Variants in FAM136A observed in about 807,000 individuals in gnomAD.
FAM136A encodes the protein TIM double twin CX3C motif protein.
Under a neutral mutation model 21.6 loss-of-function variants are expected in FAM136A, and 25 were observed. That is an observed-to-expected ratio of 1.16 (90% CI 0.84 to 1.62). The LOEUF (loss-of-function observed/expected upper bound fraction) is 1.62. Ranked by LOEUF, FAM136A falls within the 40% of genes most tolerant of loss-of-function variation. The probability of loss-of-function intolerance (pLI) is 0.00; values close to 1 mark genes in which losing one functional copy is unlikely to be tolerated. For missense variants in FAM136A, 338 were observed against 332.0 expected (o/e 1.02, Z -0.14); for synonymous variants, 119 against 129.4 (o/e 0.92, Z 0.55).
rs1465215652 is a variant in FAM136A, at chr2:70,300,871, G to A, written c.518C>T (p.Ala173Val). 1.9e-6 allele frequency: 3 copies of A among 1,612,926 alleles called. No individual in the cohort carries two copies. The highest frequency in any genetic ancestry group is 8.5e-7 in the Non-Finnish European group (1 of 1,179,052). Residue 173 changes from alanine (A) to valine (V), a missense_variant, in exon 2 of 3, where the codon GCT (alanine) becomes GTT (valine). Transcript: ENST00000430566. ...CTTCTCCAGCTCACTGGTGACCAAAGCCTGGGCTTGAGCCAGAGGCACATG... is the reference window on the plus strand; with the variant it reads ...CTTCTCCAGCTCACTGGTGACCAAAACCTGGGCTTGAGCCAGAGGCACATG... ...RCHVPLAQAQ[A>V]LVTSELEKFQ...
In FAM136A at chr2:70,301,767, C is replaced by A. The variant is rs771447739; in HGVS notation, c.245G>T (p.Gly82Val). The change falls in exon 1 of 3, where the codon GGA (glycine) becomes GTA (valine). Residue 82 changes from glycine to valine, a missense_variant. Physicochemically the swap from Gly to Val is moderately radical, Grantham distance 109. Transcript: ENST00000430566. ...GATTTCATCCGATCCGCCAAAGCTTCCGAAGTCCTGTCCGAGGCCGCCCCG... is the reference window on the plus strand; with the variant it reads ...GATTTCATCCGATCCGCCAAAGCTTACGAAGTCCTGTCCGAGGCCGCCCCG... ...GRRGGLGQDF[G>V]SFGGSDEIRV... 10 of 1,544,540 alleles carry A rather than the reference C, an allele frequency of 6.5e-6. No individual in the cohort carries two copies. In the South Asian group the frequency reaches 1.2e-4, roughly 18 times the overall value.
rs747740033 is a variant in FAM136A at position 70,301,757 on chromosome 2, G to T, written c.255C>A (p.Gly85=). ...AGGGCACACGGATTTCATCCGATCC[G>T]CCAAAGCTTCCGAAGTCCTGTCCGA... is the stretch of plus-strand genomic sequence containing the variant. ...GGLGQDFGSF[G]GSDEIRVPLP... Residue 85 remains glycine, a synonymous_variant, in exon 1 of 3, where the codon GGC becomes GGA. Coordinates refer to ENST00000430566, the MANE Select transcript of FAM136A (RefSeq NM_001329752.2). The T allele has an allele frequency of 1.3e-6, 2 of 1,542,284 alleles. No homozygotes were observed. The highest frequency in any genetic ancestry group is 1.2e-5 in the South Asian group (1 of 84,000).
chr2:70,296,132 CT>C lies in FAM136A; in HGVS notation c.*1156del, dbSNP rs1697239709. The C allele has an allele frequency of 6.6e-6, 1 of 152,624 alleles. No individual in the cohort carries two copies. 9.5% of individuals were successfully genotyped at this position (152,624 alleles called of 1,614,324 possible). On this transcript the variant is annotated 3_prime_UTR_variant, in exon 3 of 3. Transcript: ENST00000430566. ...GCTATCAAAACAATAAGGTGCCATG[CT>C]GGGGCAGGAACACTGCCAGCTGCAC...
Position 70,297,264 on chromosome 2 carries a change from C to A in FAM136A, c.*25G>T. The A allele has an allele frequency of 7.0e-7, 1 of 1,430,520 alleles. No individual in the cohort carries two copies. The highest frequency in any genetic ancestry group is 9.5e-7 in the Non-Finnish European group (1 of 1,050,658). The allele number at this position is 1,430,520 out of a possible 1,614,324, so 88.6% of individuals were successfully genotyped here. A position where few individuals can be genotyped will look rare whatever the true frequency, so the allele number is the denominator to read the frequency against. The stretch of plus-strand genomic sequence containing the variant: ...ATAAAAAATATATTCTTGCCCTCAG[C>A]CCTGATGGCCACTGGCAAATACTTT... On this transcript the variant is annotated 3_prime_UTR_variant, in exon 3 of 3. Coordinates refer to ENST00000430566, the MANE Select transcript of FAM136A (RefSeq NM_001329752.2).
At chr2:70,298,211 G>A (rs1025835081) in intron 2 of FAM136A, among the ~76,000 whole-genome samples, 1 of 151,842 alleles carries the variant, frequency 6.6e-6, no homozygotes, top group Admixed American at 6.6e-5. Context: ...TCCTGCCTCA[G>A]CCTCCTGAGT....
In FAM136A at chr2:70,297,276, C is replaced by G; in HGVS notation, c.*13G>C. 8.1e-6 allele frequency: 13 copies of G among 1,608,532 alleles called. No homozygotes were observed. Among genetic ancestry groups the G allele is most frequent in the Non-Finnish European group, 1.1e-5 (13 of 1,175,498 alleles). On this transcript the variant is annotated 3_prime_UTR_variant, in exon 3 of 3. Transcript: ENST00000430566. Reference sequence around the variant, plus strand: ...TTCTTGCCCTCAGCCCTGATGGCCACTGGCAAATACTTTTATTTTCCAATT... The same window carrying G: ...TTCTTGCCCTCAGCCCTGATGGCCAGTGGCAAATACTTTTATTTTCCAATT...
At chr2:70,299,719 G>A (rs1415465140) in intron 2 of FAM136A, among the ~76,000 whole-genome samples, 8 of 152,036 alleles carry the variant, frequency 5.3e-5, no homozygotes, top group Admixed American at 2.0e-4. Flanking sequence ...TCCTGCCTCA[G>A]CTTCCCGAGT....
At chr2:70,298,072 G>A (rs555234261) in intron 2 of FAM136A, among the ~76,000 whole-genome samples, 3 of 151,980 alleles carry the variant, frequency 2.0e-5, no homozygotes, top group South Asian at 2.1e-4. Flanking sequence ...AGAGGTTATT[G>A]TAAGATGTAC....
Position 70,297,534 on chromosome 2 carries a change from G to A in FAM136A, c.550-57C>T, listed in dbSNP as rs112827435. On this transcript the variant is annotated intron_variant, in intron 2 of 2. Transcript: ENST00000430566. ...TGAGAGTAAGGCCTCCATTTACTGC[G>A]TGCTCATTATGTGTTAGGCCCTGTG... is the stretch of plus-strand genomic sequence containing the variant. The A allele has an allele frequency of 8.5e-5, 125 of 1,475,158 alleles. No individual in the cohort carries two copies. The African/African-American group carries it at 1.2e-3, about 14-fold the overall frequency. 91.4% of individuals were successfully genotyped at this position (1,475,158 alleles called of 1,614,324 possible).
intron 1 of FAM136A, 149 bp downstream of exon 1, chr2:70,301,453 TCA>T: frequency 6.5e-7 from 1 of 1,535,536 alleles, no homozygotes; most frequent in Non-Finnish European, 8.7e-7. Context: ...ATTGCGGGGC[TCA>T]GAGAAGAACA....
At chr2:70,299,953 G>A (rs1022761833) in intron 2 of FAM136A, among the ~76,000 whole-genome samples, 1 of 151,676 alleles carries the variant, frequency 6.6e-6, no homozygotes, top group African/African-American at 2.4e-5. Context: ...AGGCTGGAGC[G>A]CAATGGCATG....
rs1697255728 is a variant in FAM136A, at chr2:70,296,673, TG to T, written c.*615del. On this transcript the variant is annotated 3_prime_UTR_variant, in exon 3 of 3. Transcript: ENST00000430566. ...ACATCCACATCTTGATGACCAGAAA[TG>T]GGGATCCACAAGGAACATTTCAAAG... The T allele has an allele frequency of 6.6e-6, 1 of 151,658 alleles. No homozygotes were observed. Among genetic ancestry groups the T allele is most frequent in the Non-Finnish European group, 1.5e-5 (1 of 68,032 alleles). 9.4% of individuals were successfully genotyped at this position (151,658 alleles called of 1,614,324 possible). A position where few individuals can be genotyped will look rare whatever the true frequency, so the allele number is the denominator to read the frequency against.
chr2:70,300,756 G>A, intron 2 of FAM136A, 84 bp downstream of exon 2: 5 of 1,446,130 alleles, frequency 3.5e-6, no homozygotes, highest in Non-Finnish European at 4.6e-6. Flanking sequence ...AGACACTAAA[G>A]CCAAGAGTTT....
At position 70,297,473 on chromosome 2, in the gene FAM136A, C is replaced by T. The variant is rs543076072; in HGVS notation, c.554G>A (p.Arg185His). The T allele has an allele frequency of 1.1e-4, 173 of 1,613,590 alleles. 1 individual carries two copies. The South Asian group carries it at 1.5e-3, about 14-fold the overall frequency. ...VTSELEKFQD[R>H]LARCTMHCND... is the part of the protein sequence containing the mutation. Reference sequence around the variant, plus strand: ...GCAATGCATGGTGCACCGGGCCAGGCGGTCCTGTGGCAAGAAGGAAGAACG... The same window carrying T: ...GCAATGCATGGTGCACCGGGCCAGGTGGTCCTGTGGCAAGAAGGAAGAACG... Residue 185 changes from arginine (R) to histidine (H), a missense_variant, in exon 3 of 3, where the codon CGC becomes CAC. Arg to His is a conservative substitution (Grantham distance 29). Transcript: ENST00000430566.
At position 70,297,219 on chromosome 2, in the gene FAM136A, A is replaced by C; in HGVS notation, c.*70T>G. On this transcript the variant is annotated 3_prime_UTR_variant, in exon 3 of 3. Coordinates refer to ENST00000430566, the MANE Select transcript of FAM136A (RefSeq NM_001329752.2). ...TTCATTCGTAAACTTTGCTTAAAAG[A>C]CTAAAATTCCCAATTCCTTATAAAA... The C allele has an allele frequency of 7.9e-7, 1 of 1,263,346 alleles. No individual in the cohort carries two copies. The highest frequency in any genetic ancestry group is 1.1e-6 in the Non-Finnish European group (1 of 930,126). The allele number at this position is 1,263,346 out of a possible 1,614,324, so 78.3% of individuals were successfully genotyped here.
At chr2:70,301,538 C>T (rs780032752) in intron 1 of FAM136A, 66 bp downstream of exon 1, 48 of 1,535,894 alleles carry the variant, frequency 3.1e-5, no homozygotes, top group Non-Finnish European at 2.6e-6. Flanking sequence ...AACGGGGAGG[C>T]CGGAAGTCCT....
At chr2:70,297,772 A>G (rs1697295087) in intron 2 of FAM136A, among the ~76,000 whole-genome samples, 1 of 151,590 alleles carries the variant, frequency 6.6e-6, no homozygotes, top group Non-Finnish European at 1.5e-5. Flanking sequence ...AGCTAGGACC[A>G]CAGGCACACG....
At position 70,301,593 on chromosome 2, in the gene FAM136A, G is replaced by A. The variant is rs987986283; in HGVS notation, c.408+11C>T. ...GTTGGCAGCGCCTCTGCTGGGCCTC[G>A]GGCCGCTCACCTGCGGAAGGGGCCG... On this transcript the variant is annotated intron_variant, in intron 1 of 2. Coordinates refer to ENST00000430566, the MANE Select transcript of FAM136A (RefSeq NM_001329752.2). 2.0e-6 allele frequency: 3 copies of A among 1,535,808 alleles called. No homozygotes were observed. In the African/African-American group the frequency reaches 4.1e-5, roughly 21 times the overall value.
chr2:70,300,949 C>T lies in FAM136A; in HGVS notation c.440G>A (p.Cys147Tyr), dbSNP rs755081823. ...GLMFRCSASC[C>Y]EDSQASMKQV... Reference sequence around the variant, plus strand: ...CTTCATGGAGGCCTGGCTGTCCTCACAACAGCTGGCGCTGCACCGGAACAT... The same window carrying T: ...CTTCATGGAGGCCTGGCTGTCCTCATAACAGCTGGCGCTGCACCGGAACAT... The change falls in exon 2 of 3, where the codon TGT (cysteine) becomes TAT (tyrosine). Residue 147 changes from cysteine (C) to tyrosine (Y), a missense_variant. Physicochemically the swap from Cys to Tyr is radical, Grantham distance 194. Transcript: ENST00000430566. 6.2e-7 allele frequency: 1 copy of T among 1,612,910 alleles called. No individual in the cohort carries two copies. The highest frequency in any genetic ancestry group is 8.5e-7 in the Non-Finnish European group (1 of 1,179,058).
Sources: allele counts gnomAD v4.1 joint callset (sites outside exome capture counted in the v4.1 genomes callset), GRCh38; gene constraint gnomAD v4.1.1; transcripts MANE v1.5; gene names NCBI Gene and HGNC (gene_info 2026-07-23, HGNC 2026-07-21).